NYAP2: variants seen among roughly 807,000 people sequenced by gnomAD.
The protein encoded by NYAP2 is neuronal tyrosine-phosphorylated phosphoinositide-3-kinase adaptor 2, also known as neuronal tyrosine-phosphorylated phosphoinositide-3-kinase adapter 2.
A neutral mutation model predicts 50.4 loss-of-function variants in NYAP2; 23 were observed. The observed-to-expected ratio is 0.46, with a 90% CI of 0.33 to 0.65. The LOEUF (loss-of-function observed/expected upper bound fraction) is 0.65. Ranked by LOEUF, NYAP2 falls within the 30% of genes least tolerant of loss-of-function variation. NYAP2 has a pLI of 0.02. For synonymous variants in NYAP2, 394 were observed against 365.2 expected (o/e 1.08, Z -0.90); for missense variants, 885 against 861.0 (o/e 1.03, Z -0.35).
intron 4 of NYAP2, among the ~76,000 whole-genome samples, chr2:225,558,160 C>A (rs1403555221): frequency 6.6e-6 from 1 of 152,070 alleles, no homozygotes; most frequent in Non-Finnish European, 1.5e-5. Flanking sequence ...TAAGAACTAG[C>A]CATGGATGTA....
the NYAP2 span, among the ~76,000 whole-genome samples, chr2:225,688,806 G>T: frequency 6.6e-6 from 1 of 152,104 alleles, no homozygotes; most frequent in Non-Finnish European, 1.5e-5. Flanking sequence ...GCAGTGGCAC[G>T]ATCTTGGCTC....
chr2:225,413,138 A>G (rs1243418512), intron 3 of NYAP2, among the ~76,000 whole-genome samples: 1 of 152,146 alleles, frequency 6.6e-6, no homozygotes, highest in Non-Finnish European at 1.5e-5. Context: ...AATTTAAAAT[A>G]TAAATATCTT....
At chr2:225,532,172 A>G (rs1188995769) in intron 4 of NYAP2, among the ~76,000 whole-genome samples, 3 of 152,160 alleles carry the variant, frequency 2.0e-5, no homozygotes, top group Non-Finnish European at 4.4e-5. Flanking sequence ...GGACAGGTAT[A>G]TATTTCCAGA....
At chr2:225,527,858 G>T (rs189194599) in intron 4 of NYAP2, among the ~76,000 whole-genome samples, 1 of 151,924 alleles carries the variant, frequency 6.6e-6, no homozygotes, top group Non-Finnish European at 1.5e-5. Context: ...ATGTTGCCTG[G>T]GCTCATCTCA....
At chr2:225,507,334 C>T (rs1236601542) in intron 3 of NYAP2, among the ~76,000 whole-genome samples, 1 of 152,194 alleles carries the variant, frequency 6.6e-6, no homozygotes, top group African/African-American at 2.4e-5. Flanking sequence ...TCACCTTTCT[C>T]ATGGGTTTTG....
chr2:225,421,042 C>A (rs913125796), intron 3 of NYAP2, among the ~76,000 whole-genome samples: 2 of 151,946 alleles, frequency 1.3e-5, no homozygotes, highest in African/African-American at 4.8e-5. Flanking sequence ...CCCACCTCAG[C>A]CTCCCAGGTA....
At chr2:225,415,378 C>T (rs555686702) in intron 3 of NYAP2, among the ~76,000 whole-genome samples, 1 of 152,158 alleles carries the variant, frequency 6.6e-6, no homozygotes, top group East Asian at 1.9e-4. Flanking sequence ...TACATTGCTG[C>T]CCCAAAAGCA....
At chr2:225,579,468 G>T (rs1461550417) in intron 4 of NYAP2, among the ~76,000 whole-genome samples, 2 of 152,184 alleles carry the variant, frequency 1.3e-5, no homozygotes, top group Non-Finnish European at 2.9e-5. Flanking sequence ...GCTGCACTCT[G>T]CAATAGAAAC....
upstream of NYAP2, among the ~76,000 whole-genome samples, chr2:225,398,667 G>C (rs1694809071): frequency 6.6e-6 from 1 of 151,620 alleles, no homozygotes; most frequent in South Asian, 2.1e-4. Flanking sequence ...CATTGGGATA[G>C]GGGGAAGAGA....
At chr2:225,550,143 A>G (rs935135607) in intron 4 of NYAP2, among the ~76,000 whole-genome samples, 1 of 152,232 alleles carries the variant, frequency 6.6e-6, no homozygotes, top group Non-Finnish European at 1.5e-5. Context: ...AAGTATTTTA[A>G]AAGCCAGGAG....
intron 3 of NYAP2, among the ~76,000 whole-genome samples, chr2:225,429,430 C>T (rs1695332606): frequency 6.6e-6 from 1 of 152,158 alleles, no homozygotes; most frequent in African/African-American, 2.4e-5. Flanking sequence ...TTCAGATTTT[C>T]ACAAAGTTCA....
At chr2:225,541,300 T>A (rs1691467276) in intron 4 of NYAP2, among the ~76,000 whole-genome samples, 1 of 152,186 alleles carries the variant, frequency 6.6e-6, no homozygotes, top group Non-Finnish European at 1.5e-5. Context: ...CTTGATATAA[T>A]CCCATGTGTC....
At chr2:225,453,032 T>C (rs572126541) in intron 3 of NYAP2, among the ~76,000 whole-genome samples, 1 of 152,312 alleles carries the variant, frequency 6.6e-6, no homozygotes, top group South Asian at 2.1e-4. Context: ...ACAGGGCATG[T>C]CACTGAGCTC....
the NYAP2 span, among the ~76,000 whole-genome samples, chr2:225,682,447 G>A: frequency 2.0e-5 from 3 of 152,290 alleles, no homozygotes; most frequent in Non-Finnish European, 2.9e-5. Flanking sequence ...AACACTTCCA[G>A]TAGCTACAAA....
chr2:225,453,284 A>G (rs1361267381), intron 3 of NYAP2, among the ~76,000 whole-genome samples: 1 of 152,220 alleles, frequency 6.6e-6, no homozygotes, highest in Non-Finnish European at 1.5e-5. Flanking sequence ...ATAAATGTTT[A>G]TATTAAGTAA....
At chr2:225,622,526 T>C in intron 5 of NYAP2, among the ~76,000 whole-genome samples, 1 of 44,212 alleles carries the variant, frequency 2.3e-5, no homozygotes, top group Non-Finnish European at 4.5e-5. Context: ...TTCTTCTTTC[T>C]TTCTTTCTTT....
chr2:225,432,999 C>A (rs146007276), intron 3 of NYAP2, among the ~76,000 whole-genome samples: 1 of 152,172 alleles, frequency 6.6e-6, no homozygotes, highest in East Asian at 1.9e-4. Context: ...CATGACTATG[C>A]CTAGCTGTAA....
In NYAP2 at chr2:225,616,572, C is replaced by T. The variant is rs550413331; in HGVS notation, c.1619-10345C>T. ...ACTGGTAGAGTGAGAGTTCTAGATTCGTATCAGGAGTACCAACAACTAACC... is the reference window on the plus strand; with the variant it reads ...ACTGGTAGAGTGAGAGTTCTAGATTTGTATCAGGAGTACCAACAACTAACC... On this transcript the variant is annotated intron_variant, in intron 5 of 6. Transcript: ENST00000636099. 7.2e-5 allele frequency among the ~76,000 whole-genome samples: 11 copies of T among 152,196 alleles called. No individual in the cohort carries two copies. The East Asian group carries it at 9.7e-4, about 13-fold the overall frequency.
At chr2:225,496,405 G>T (rs190076381) in intron 3 of NYAP2, among the ~76,000 whole-genome samples, 1 of 152,228 alleles carries the variant, frequency 6.6e-6, no homozygotes, top group Admixed American at 6.5e-5. Flanking sequence ...TCCCAAATTA[G>T]CCTACAACTT....
Sources: allele counts gnomAD v4.1 joint callset (sites outside exome capture counted in the v4.1 genomes callset), GRCh38; gene constraint gnomAD v4.1.1; transcripts MANE v1.5; gene names NCBI Gene and HGNC (gene_info 2026-07-23, HGNC 2026-07-21).